PIGT: variants seen among roughly 807,000 people sequenced by gnomAD.
PIGT encodes phosphatidylinositol glycan anchor biosynthesis class T.
In PIGT, 57 loss-of-function variants were observed where a neutral mutation model predicts 66.7. The observed-to-expected ratio is 0.86, with a 90% CI of 0.69 to 1.07. PIGT has a LOEUF of 1.07. Among genes scored for constraint, PIGT ranks in the 50% least tolerant of loss-of-function variants. The pLI is 0.00. For missense variants in PIGT, 725 were observed against 740.4 expected, an observed-to-expected ratio of 0.98 and a Z score of 0.24; for synonymous variants, 362 against 320.5, an observed-to-expected ratio of 1.13 and a Z score of -1.38.
At position 45,416,173 on chromosome 20, in the gene PIGT, C is replaced by A; in HGVS notation, c.17C>A (p.Pro6Gln). 2 of 1,575,404 alleles carry A rather than the reference C, an allele frequency of 1.3e-6. No individual in the cohort carries two copies. The highest frequency in any genetic ancestry group is 8.6e-7 in the Non-Finnish European group (1 of 1,162,420). Residue 6 changes from proline to glutamine, a missense_variant, in exon 1 of 12, where the codon CCG becomes CAG. Physicochemically the swap from Pro to Gln is moderately conservative, Grantham distance 76 (BLOSUM62 -1). Transcript: ENST00000279036. ...GCCGCAGGCATGGCGGCGGCTATGC[C>A]GCTTGCTCTGCTCGTCCTGTTGCTC... is the stretch of plus-strand genomic sequence containing the variant. MAAAMPLALLVLLLLG... is the reference protein window; with the variant it reads MAAAMQLALLVLLLLG...
Position 45,424,696 on chromosome 20 carries a change from T to C in PIGT, c.1484+117T>C, listed in dbSNP as rs566625891. 48 of 720,464 alleles carry C rather than the reference T, an allele frequency of 6.7e-5. No individual in the cohort carries two copies. In the African/African-American group the frequency reaches 7.5e-4, roughly 11 times the overall value. The allele number at this position is 720,464 out of a possible 1,614,324, so 44.6% of individuals were successfully genotyped here. Reference sequence around the variant, plus strand: ...AGATGTTACATCTTCCAAAGAGATGTGTAGATTTAATTCAATCCTAATAAA... The same window carrying C: ...AGATGTTACATCTTCCAAAGAGATGCGTAGATTTAATTCAATCCTAATAAA... On this transcript the variant is annotated intron_variant, in intron 11 of 11. Coordinates refer to ENST00000279036, the MANE Select transcript of PIGT (RefSeq NM_015937.6).
rs370184382 is a variant in PIGT at position 45,421,421 on chromosome 20, G to T, written c.1072G>T (p.Val358Leu). 88 of 1,614,044 alleles carry T rather than the reference G, an allele frequency of 5.5e-5. 1 individual carries two copies. The highest frequency in any genetic ancestry group is 7.0e-5 in the Non-Finnish European group (83 of 1,180,022). The change falls in exon 9 of 12, where the codon GTG (valine) becomes TTG (leucine). Residue 358 changes from valine to leucine, a missense_variant. By Grantham distance (32) the Val-to-Leu change is conservative. Around this residue, in one of 3 missense-constraint regions of PIGT, gnomAD observed 559 missense variants for 552.7 expected, o/e 1.01. Coordinates refer to ENST00000279036, the MANE Select transcript of PIGT (RefSeq NM_015937.6). ...GCCCTTCCTGCATGCCCAGCGGTAC[G>T]TGAGTGGCTATGGGCTGCAGAAGGG... ...PVPFLHAQRYVSGYGLQKGEL... is the reference protein window; with the variant it reads ...PVPFLHAQRYLSGYGLQKGEL...
chr20:45,416,638 C>T lies in PIGT; in HGVS notation c.309C>T (p.Phe103=), dbSNP rs747604533. The part of the protein sequence containing the change: ...FWRTRYWGPP[F]LQAPSGAELW... ...GGACCCGATACTGGGGGCCACCCTT[C>T]CTGCAGGCCCCATCAGGTGCAGAGC... is the stretch of plus-strand genomic sequence containing the variant. The change falls in exon 2 of 12, where the codon TTC becomes TTT. Residue 103 remains phenylalanine, a synonymous_variant. Coordinates refer to ENST00000279036, the MANE Select transcript of PIGT (RefSeq NM_015937.6). 1.9e-6 allele frequency: 3 copies of T among 1,614,156 alleles called. No individual in the cohort carries two copies. The highest frequency in any genetic ancestry group is 4.5e-5 in the East Asian group (2 of 44,882).
In PIGT at chr20:45,425,882, A is replaced by T. The variant is rs1990720433; in HGVS notation, c.*56A>T. On this transcript the variant is annotated 3_prime_UTR_variant, in exon 12 of 12. Coordinates refer to ENST00000279036, the MANE Select transcript of PIGT (RefSeq NM_015937.6). ...GTTTCTCTCTGGGGAGGGGAGCCCA[A>T]GGGCTGTTTCTGCCACTTGCTCTCC... 6.3e-7 allele frequency: 1 copy of T among 1,578,182 alleles called. No homozygotes were observed. The highest frequency in any genetic ancestry group is 1.2e-5 in the South Asian group (1 of 85,692).
chr20:45,417,802 T>C (rs956078217), intron 2 of PIGT: 1 of 152,240 alleles, frequency 6.6e-6, no homozygotes, highest in Non-Finnish European at 1.5e-5. Flanking sequence ...GCCATTTTTA[T>C]TTGAGGCTTA....
intron 1 of PIGT, 25 bp downstream of exon 1, chr20:45,416,368 G>A: frequency 1.3e-6 from 2 of 1,563,554 alleles, no homozygotes; most frequent in South Asian, 1.2e-5. Flanking sequence ...TCTGACCAGG[G>A]AAAGATTTCC....
Position 45,416,709 on chromosome 20 carries a change from T to A in PIGT, c.365+15T>A. The A allele has an allele frequency of 6.2e-7, 1 of 1,600,700 alleles. No homozygotes were observed. Among genetic ancestry groups the A allele is most frequent in the Non-Finnish European group, 8.5e-7 (1 of 1,173,360 alleles). On this transcript the variant is annotated intron_variant, in intron 2 of 11. Coordinates refer to ENST00000279036, the MANE Select transcript of PIGT (RefSeq NM_015937.6). ...ACTGTCACTGAGTGAGTGCACACCT[T>A]GGGCCCTGTTGCAGGCCATGGAGGG...
At chr20:45,423,410 T>A (rs1407915917) in intron 9 of PIGT, 1 of 151,180 alleles carries the variant, frequency 6.6e-6, no homozygotes, top group Non-Finnish European at 1.5e-5. Context: ...GAGGCTGAGG[T>A]GGGAGGATCA....
At chr20:45,418,719 C>T (rs1034157604) in intron 2 of PIGT, 133 bp from the exon 3 acceptor site, 6 of 1,114,704 alleles carry the variant, frequency 5.4e-6, no homozygotes, top group African/African-American at 1.5e-5. Flanking sequence ...AATGTTCCAG[C>T]TCCATCAACT....
chr20:45,425,591 G>A lies in PIGT; in HGVS notation c.1502G>A (p.Gly501Asp), dbSNP rs746079811. 3.9e-5 allele frequency: 63 copies of A among 1,613,684 alleles called. No individual in the cohort carries two copies. In the Admixed American group the frequency reaches 1.0e-3, roughly 26 times the overall value. ...LFNSLFPVSD[G>D]SNYFVRLYTE... ...GACCCCAGGTTCCCAGTCTCTGATG[G>A]CTCTAACTACTTTGTGCGGCTCTAC... The change falls in exon 12 of 12, where the codon GGC (glycine) becomes GAC (aspartate). Residue 501 changes from glycine to aspartate, a missense_variant. Coordinates refer to ENST00000279036, the MANE Select transcript of PIGT (RefSeq NM_015937.6).
intron 9 of PIGT, chr20:45,423,504 C>T (rs888295606): frequency 4.2e-5 from 6 of 144,000 alleles, no homozygotes; most frequent in African/African-American, 1.4e-4. Flanking sequence ...GACCCTGTCA[C>T]GAAAAAAAAA....
intron 5 of PIGT, 199 bp downstream of exon 5, chr20:45,419,789 T>A (rs1990232056): frequency 1.6e-6 from 1 of 609,970 alleles, no homozygotes; most frequent in Non-Finnish European, 2.9e-6. Context: ...TGGAAAATAG[T>A]GGTTCAGAAC....
rs1323953337 is a variant in PIGT, at chr20:45,421,390, C to A, written c.1041C>A (p.Pro347=). 6.2e-7 allele frequency: 1 copy of A among 1,613,598 alleles called. No individual in the cohort carries two copies. Among genetic ancestry groups the A allele is most frequent in the South Asian group, 1.1e-5 (1 of 91,058 alleles). The change falls in exon 9 of 12, where the codon CCC becomes CCA. Residue 347 remains proline (P), a synonymous_variant. Transcript: ENST00000279036. ...TGATATTTCTTTACACAGAGGCCCC[C>A]CCAGTGCCCTTCCTGCATGCCCAGC... The part of the protein sequence containing the change: ...KWKRPPENEA[P]PVPFLHAQRY...
In PIGT at chr20:45,416,173, C is replaced by T. The variant is rs551062552; in HGVS notation, c.17C>T (p.Pro6Leu). 16 of 1,575,404 alleles carry T rather than the reference C, an allele frequency of 1.0e-5. No homozygotes were observed. In the South Asian group the frequency reaches 1.3e-4, roughly 13 times the overall value. The change falls in exon 1 of 12, where the codon CCG becomes CTG. Residue 6 changes from proline (P) to leucine (L), a missense_variant. Around this residue, in one of 3 missense-constraint regions of PIGT, gnomAD observed 559 missense variants for 552.7 expected, o/e 1.01. Coordinates refer to ENST00000279036, the MANE Select transcript of PIGT (RefSeq NM_015937.6). MAAAM[P>L]LALLVLLLLG... ...GCCGCAGGCATGGCGGCGGCTATGC[C>T]GCTTGCTCTGCTCGTCCTGTTGCTC...
chr20:45,423,467 T>C (rs1026198380), intron 9 of PIGT: 3 of 151,584 alleles, frequency 2.0e-5, no homozygotes, highest in Non-Finnish European at 4.4e-5. Context: ...ATCATACTAT[T>C]GCACTTCAGC....
rs937335422 is a variant in PIGT, at chr20:45,418,745, T to G, written c.366-107T>G. Reference sequence around the variant, plus strand: ...TCCATCAACTGGCCCGTCTAATAGTTAAGAATACAGCCTCCTCCTATCATA... The same window carrying G: ...TCCATCAACTGGCCCGTCTAATAGTGAAGAATACAGCCTCCTCCTATCATA... On this transcript the variant is annotated intron_variant, in intron 2 of 11. Coordinates refer to ENST00000279036, the MANE Select transcript of PIGT (RefSeq NM_015937.6). 9.2e-6 allele frequency: 13 copies of G among 1,418,322 alleles called. No homozygotes were observed. The African/African-American group carries it at 1.5e-4, about 17-fold the overall frequency. The allele number at this position is 1,418,322 out of a possible 1,614,324, so 87.9% of individuals were successfully genotyped here.
At chr20:45,420,742 A>T in intron 8 of PIGT, 49 bp downstream of exon 8, 1 of 1,579,596 alleles carries the variant, frequency 6.3e-7, no homozygotes, top group African/African-American at 1.3e-5. Flanking sequence ...CTACAGAGAA[A>T]AGACTCACAA....
At chr20:45,425,485 G>A (rs1232586948) in intron 11 of PIGT, 89 bp from the exon 12 acceptor site, 1 of 1,421,740 alleles carries the variant, frequency 7.0e-7, no homozygotes, top group South Asian at 1.3e-5. Flanking sequence ...GAAACACTGT[G>A]TTGCATTGCC....
At chr20:45,418,734 C>A (rs1046250548) in intron 2 of PIGT, 118 bp from the exon 3 acceptor site, 4 of 1,282,872 alleles carry the variant, frequency 3.1e-6, no homozygotes, top group South Asian at 1.2e-5. Flanking sequence ...TCAACTGGCC[C>A]GTCTAATAGT....
Sources: gnomAD v4.1 joint callset for allele counts on GRCh38, gnomAD v4.1.1 for gene constraint, gnomAD v4.1.1 regional missense constraint, MANE v1.5 for transcripts, NCBI Gene and HGNC (gene_info 2026-07-23, HGNC 2026-07-21) for gene names.